Variants in TTC28 observed in about 807,000 individuals in gnomAD.
TTC28 encodes the protein tetratricopeptide repeat domain 28.
TTC28 carries 61 observed loss-of-function variants against 198.0 expected under a neutral mutation model. That is an observed-to-expected ratio of 0.31 (90% confidence interval 0.25 to 0.38). TTC28 has a LOEUF of 0.38. Among genes scored for constraint, TTC28 ranks in the 10% least tolerant of loss-of-function variants. TTC28 has a pLI of 1.00. For synonymous variants in TTC28, 1,171 were observed against 1,297.8 expected (o/e 0.90, Z 2.10); for missense variants, 2,678 against 3,164.0 (o/e 0.85, Z 3.69).
chr22:28,218,832 G>A (rs1030693860), intron 5 of TTC28, among the ~76,000 whole-genome samples: 1 of 151,958 alleles, frequency 6.6e-6, no homozygotes, highest in Non-Finnish European at 1.5e-5. Flanking sequence ...TTAACTTCAA[G>A]TTTATGGCAG....
intron 2 of TTC28, among the ~76,000 whole-genome samples, chr22:28,411,221 T>C (rs2047076502): frequency 6.6e-6 from 1 of 152,192 alleles, no homozygotes; most frequent in African/African-American, 2.4e-5. Flanking sequence ...TGTAATGTTT[T>C]GTCGCCTTCA....
intron 2 of TTC28, among the ~76,000 whole-genome samples, chr22:28,453,512 G>A (rs971315315): frequency 8.5e-5 from 13 of 152,110 alleles, no homozygotes; most frequent in Non-Finnish European, 1.5e-5. Context: ...GACTTACACA[G>A]CCAACAAATC....
At chr22:28,113,220 C>T (rs1015490658) in intron 6 of TTC28, among the ~76,000 whole-genome samples, 8 of 152,132 alleles carry the variant, frequency 5.3e-5, no homozygotes, top group African/African-American at 1.9e-4. Flanking sequence ...CCTCGGTGCA[C>T]CGCCACAAAC....
chr22:28,529,834 T>G (rs1251215367), intron 2 of TTC28, among the ~76,000 whole-genome samples: 1 of 152,160 alleles, frequency 6.6e-6, no homozygotes, highest in Non-Finnish European at 1.5e-5. Flanking sequence ...GACCTTCAGC[T>G]GAGGGTCCTG....
Position 28,313,759 on chromosome 22 carries a change from T to C in TTC28, c.382-7116A>G, listed in dbSNP as rs541493498. 2.3e-4 allele frequency among the ~76,000 whole-genome samples: 35 copies of C among 152,326 alleles called. 1 individual carries two copies. In the Middle Eastern group the frequency reaches 0.014, roughly 59 times the overall value. ...GACAAACCCACAGCCAATATCCTAC[T>C]GAATGGGCAAAAACTGGAAGCATTC... is the stretch of plus-strand genomic sequence containing the variant. On this transcript the variant is annotated intron_variant, in intron 2 of 22. Transcript: ENST00000397906.
intron 2 of TTC28, among the ~76,000 whole-genome samples, chr22:28,516,630 G>A (rs1264274568): frequency 6.6e-6 from 1 of 152,024 alleles, no homozygotes; most frequent in Non-Finnish European, 1.5e-5. Context: ...GGCTTGGGGA[G>A]GGATAGCATT....
intron 2 of TTC28, among the ~76,000 whole-genome samples, chr22:28,490,656 A>T (rs1489614603): frequency 1.3e-5 from 2 of 152,180 alleles, no homozygotes; most frequent in Non-Finnish European, 2.9e-5. Context: ...AAGTTTATAT[A>T]ATAATTCCAC....
intron 5 of TTC28, among the ~76,000 whole-genome samples, chr22:28,265,648 A>G (rs1775317319): frequency 6.6e-6 from 1 of 152,176 alleles, no homozygotes; most frequent in African/African-American, 2.4e-5. Flanking sequence ...GATTGACTAT[A>G]CAAGCTTGTT....
intron 12 of TTC28, among the ~76,000 whole-genome samples, chr22:28,044,867 C>T (rs1285273730): frequency 6.6e-6 from 1 of 152,048 alleles, no homozygotes; most frequent in East Asian, 1.9e-4. Flanking sequence ...CAGGTTTTCC[C>T]CTAGCTTTTC....
chr22:28,050,431 A>C (rs1940043840), intron 12 of TTC28, among the ~76,000 whole-genome samples: 1 of 152,222 alleles, frequency 6.6e-6, no homozygotes, highest in Non-Finnish European at 1.5e-5. Flanking sequence ...ATTATAACTG[A>C]AAATGGTCTT....
At chr22:28,328,083 AAAG>A (rs1207490186) in intron 2 of TTC28, among the ~76,000 whole-genome samples, 2 of 152,206 alleles carry the variant, frequency 1.3e-5, no homozygotes, top group African/African-American at 4.8e-5. Flanking sequence ...AAAGTGCAAT[AAAG>A]AAATAAAACA....
intron 2 of TTC28, among the ~76,000 whole-genome samples, chr22:28,307,494 C>G (rs1011567981): frequency 6.6e-6 from 1 of 152,038 alleles, no homozygotes; most frequent in Non-Finnish European, 1.5e-5. Context: ...CTCACTGCAG[C>G]CTTGAACTCC....
chr22:28,373,310 T>C (rs1382900137), intron 2 of TTC28, among the ~76,000 whole-genome samples: 1 of 151,974 alleles, frequency 6.6e-6, no homozygotes, highest in East Asian at 1.9e-4. Context: ...AGATACTTTA[T>C]GAGGCCCTTC....
chr22:28,362,189 T>C (rs1478065869), intron 2 of TTC28, among the ~76,000 whole-genome samples: 2 of 152,156 alleles, frequency 1.3e-5, no homozygotes, highest in East Asian at 1.9e-4. Context: ...AGGGACCCAG[T>C]GGGAGGTAAC....
chr22:28,223,805 G>C (rs1483443014), intron 5 of TTC28, among the ~76,000 whole-genome samples: 1 of 152,066 alleles, frequency 6.6e-6, no homozygotes, highest in Non-Finnish European at 1.5e-5. Flanking sequence ...AAGTTCACAA[G>C]AAAGTTATAA....
intron 2 of TTC28, among the ~76,000 whole-genome samples, chr22:28,539,890 A>G (rs2145928389): frequency 6.7e-6 from 1 of 148,588 alleles, no homozygotes; most frequent in East Asian, 2.0e-4. Context: ...TGCAGCCTGT[A>G]TAGGAAGCAT....
intron 2 of TTC28, among the ~76,000 whole-genome samples, chr22:28,579,282 C>CATATATGTATATATATGTATGGTT (rs2050197649): frequency 6.7e-6 from 1 of 148,918 alleles, no homozygotes; most frequent in African/African-American, 2.5e-5. Context: ...CGTATATAAC[C>CATATATGTATATATATGTATGGTT]ATATACGTAT....
intron 5 of TTC28, among the ~76,000 whole-genome samples, chr22:28,183,649 C>T (rs73882705): frequency 0.072 from 10,915 of 152,146 alleles, 447 homozygotes; most frequent in South Asian, 0.09. Flanking sequence ...ATTATCATTG[C>T]CTTTTTCCTG....
intron 2 of TTC28, among the ~76,000 whole-genome samples, chr22:28,528,463 CT>C (rs2049055785): frequency 6.6e-6 from 1 of 151,954 alleles, no homozygotes; most frequent in Non-Finnish European, 1.5e-5. Context: ...GGCACAGTGG[CT>C]CATGGCTATA....
Sources: gnomAD v4.1 joint callset for allele counts (sites outside exome capture counted in the v4.1 genomes callset) on GRCh38, gnomAD v4.1.1 for gene constraint, MANE v1.5 for transcripts, NCBI Gene and HGNC (gene_info 2026-07-23, HGNC 2026-07-21) for gene names.